TMEM161B: variants seen among roughly 807,000 people sequenced by gnomAD.
TMEM161B encodes the protein transmembrane protein 161B.
A neutral mutation model predicts 61.8 loss-of-function variants in TMEM161B; 34 were observed. The observed-to-expected ratio is 0.55, with a 90% CI of 0.42 to 0.73. TMEM161B has a LOEUF of 0.73. Ranked by LOEUF, TMEM161B falls within the 30% of genes least tolerant of loss-of-function variation. TMEM161B has a pLI of 0.00. For missense variants in TMEM161B, 456 were observed against 558.5 expected, an observed-to-expected ratio of 0.82 and a Z score of 1.85; for synonymous variants, 167 against 192.8, an observed-to-expected ratio of 0.87 and a Z score of 1.11.
At chr5:88,265,626 C>T (rs1756279771) in intron 1 of TMEM161B, among the ~76,000 whole-genome samples, 1 of 152,180 alleles carries the variant, frequency 6.6e-6, no homozygotes, top group African/African-American at 2.4e-5. Context: ...TGACCTACTA[C>T]ATGACCCAAC....
chr5:88,202,971 C>T lies in TMEM161B; in HGVS notation c.905G>A (p.Ser302Asn). 1.9e-6 allele frequency: 3 copies of T among 1,606,520 alleles called. No individual in the cohort carries two copies. Among genetic ancestry groups the T allele is most frequent in the East Asian group, 2.2e-5 (1 of 44,734 alleles). The change falls in exon 9 of 12, where the codon AGT becomes AAT. Residue 302 changes from serine (S) to asparagine (N), a missense_variant. Ser to Asn is a conservative substitution (Grantham distance 46, BLOSUM62 1). Around this residue, in one of 3 missense-constraint regions of TMEM161B, gnomAD observed 367 missense variants for 427.3 expected, o/e 0.86. Coordinates refer to ENST00000296595, the MANE Select transcript of TMEM161B (RefSeq NM_153354.5). ...YIMNPPLGKESIPLMTEATFD... is the reference protein window; with the variant it reads ...YIMNPPLGKENIPLMTEATFD... Reference sequence around the variant, plus strand: ...AAATGCCCATACTTACAAAGGGATACTTTCTTTGCCCAGTGGTGGGTTCAT... The same window carrying T: ...AAATGCCCATACTTACAAAGGGATATTTTCTTTGCCCAGTGGTGGGTTCAT...
chr5:88,213,703 C>A (rs921851006), intron 5 of TMEM161B, among the ~76,000 whole-genome samples: 1 of 152,000 alleles, frequency 6.6e-6, no homozygotes, highest in Non-Finnish European at 1.5e-5. Flanking sequence ...GTCCTATTAC[C>A]CCAAATCTCT....
At chr5:88,218,352 A>G (rs1408812634) in intron 5 of TMEM161B, among the ~76,000 whole-genome samples, 4 of 152,226 alleles carry the variant, frequency 2.6e-5, no homozygotes, top group African/African-American at 9.6e-5. Context: ...CAAGAACATC[A>G]GTTCACAGAC....
intron 5 of TMEM161B, among the ~76,000 whole-genome samples, chr5:88,217,921 C>T (rs896806164): frequency 4.1e-5 from 6 of 146,252 alleles, no homozygotes; most frequent in African/African-American, 1.5e-4. Context: ...AAAAAAAAAA[C>T]CTTAACAAAA....
intron 2 of TMEM161B, among the ~76,000 whole-genome samples, chr5:88,234,890 T>A (rs558145601): frequency 1.1e-4 from 17 of 152,204 alleles, no homozygotes; most frequent in African/African-American, 3.6e-4. Flanking sequence ...CATAGCAAGA[T>A]CCTGTCTCTA....
rs73770354 is a variant in TMEM161B, at chr5:88,203,178, A to T, written c.801-103T>A. The T allele has an allele frequency of 4.6e-3, 3,098 of 679,360 alleles. 69 individuals are homozygous for T. In the African/African-American group the frequency reaches 0.047, roughly 10 times the overall value. 42.1% of individuals were successfully genotyped at this position (679,360 alleles called of 1,614,324 possible). A position where few individuals can be genotyped will look rare whatever the true frequency, so the allele number is the denominator to read the frequency against. On this transcript the variant is annotated intron_variant, in intron 8 of 11. Coordinates refer to ENST00000296595, the MANE Select transcript of TMEM161B (RefSeq NM_153354.5). ...AAAATGGAGGTAGGAGCTTATTTGC[A>T]GTATTCTACTACTTACGATACTACT... is the stretch of plus-strand genomic sequence containing the variant.
Position 88,196,180 on chromosome 5 carries a change from G to C in TMEM161B, c.*31C>G, listed in dbSNP as rs764508644. 3 of 1,572,898 alleles carry C rather than the reference G, an allele frequency of 1.9e-6. No homozygotes were observed. Among genetic ancestry groups the C allele is most frequent in the Non-Finnish European group, 2.6e-6 (3 of 1,163,334 alleles). ...GCACAGATATTTTAATTTAAAGGGT[G>C]ATTTGGATATGCTTTTTTGTTAACT... On this transcript the variant is annotated 3_prime_UTR_variant, in exon 12 of 12. Coordinates refer to ENST00000296595, the MANE Select transcript of TMEM161B (RefSeq NM_153354.5).
intron 5 of TMEM161B, among the ~76,000 whole-genome samples, chr5:88,208,155 G>T (rs1224743408): frequency 6.6e-6 from 1 of 152,058 alleles, no homozygotes; most frequent in African/African-American, 2.4e-5. Flanking sequence ...TATGAGACCA[G>T]CCTGGCCAAC....
chr5:88,238,094 A>T (rs1752157417), intron 2 of TMEM161B, among the ~76,000 whole-genome samples: 1 of 152,104 alleles, frequency 6.6e-6, no homozygotes, highest in Admixed American at 6.6e-5. Flanking sequence ...TCCTTTATAT[A>T]TTAAATAATC....
downstream of TMEM161B, chr5:88,190,405 A>C (rs1303869562): frequency 1.6e-6 from 1 of 621,224 alleles, no homozygotes; most frequent in Non-Finnish European, 2.9e-6. Flanking sequence ...TGCAGCTCCT[A>C]GCAGCTGTGG....
chr5:88,206,822 G>GA (rs1388056200), intron 6 of TMEM161B, among the ~76,000 whole-genome samples: 1 of 151,590 alleles, frequency 6.6e-6, no homozygotes, highest in Non-Finnish European at 1.5e-5. Context: ...AGTATTTTTG[G>GA]AAAAAAACAT....
intron 5 of TMEM161B, among the ~76,000 whole-genome samples, chr5:88,216,408 T>C (rs1747846562): frequency 1.3e-5 from 2 of 152,340 alleles, no homozygotes; most frequent in African/African-American, 2.4e-5. Flanking sequence ...TTTATTCTGA[T>C]TGAATGGTAT....
rs541899286 is a variant in TMEM161B, at chr5:88,214,251, G to T, written c.446+6312C>A. On this transcript the variant is annotated intron_variant, in intron 5 of 11. Coordinates refer to ENST00000296595, the MANE Select transcript of TMEM161B (RefSeq NM_153354.5). ...CAGCCATGAAAACATACATAATAGG[G>T]TTTTGTACCTTAAACCTCCACATTG... Among the ~76,000 whole-genome samples, 29 of 152,160 alleles carry T rather than the reference G, an allele frequency of 1.9e-4. No homozygotes were observed. In the Middle Eastern group the frequency reaches 0.014, roughly 71 times the overall value.
intron 1 of TMEM161B, among the ~76,000 whole-genome samples, chr5:88,260,466 A>C (rs557752907): frequency 3.0e-4 from 46 of 152,110 alleles, no homozygotes; most frequent in Non-Finnish European, 5.9e-4. Context: ...TTTGTGTTTT[A>C]TAAGAGTCAG....
intron 5 of TMEM161B, among the ~76,000 whole-genome samples, chr5:88,208,961 G>C (rs768777410): frequency 6.6e-6 from 1 of 152,178 alleles, no homozygotes; most frequent in Non-Finnish European, 1.5e-5. Context: ...CACATAGTCT[G>C]AAGGTAATTT....
intron 1 of TMEM161B, among the ~76,000 whole-genome samples, chr5:88,248,142 T>C (rs1753865290): frequency 6.6e-6 from 1 of 152,116 alleles, no homozygotes; most frequent in Non-Finnish European, 1.5e-5. Flanking sequence ...ATCCCATTTT[T>C]ACACCAAATC....
Position 88,240,828 on chromosome 5 carries a change from A to G in TMEM161B, c.92T>C (p.Leu31Pro). 1 of 1,611,430 alleles carries G rather than the reference A, an allele frequency of 6.2e-7. No individual in the cohort carries two copies. ...CTTGCCTTACCTGCCATTACAGAGT[A>G]GCCATCGAGCAAGAGAATAGTGAGG... ...IIPHYSLARW[L>P]LCNGSLRWYQ... The change falls in exon 2 of 12, where the codon CTA becomes CCA. Residue 31 changes from leucine to proline, a missense_variant. Physicochemically the swap from Leu to Pro is moderately conservative, Grantham distance 98. Around this residue, in one of 3 missense-constraint regions of TMEM161B, gnomAD observed 85 missense variants for 111.2 expected, o/e 0.76. Transcript: ENST00000296595.
At chr5:88,204,581 T>C (rs1246437380) in intron 8 of TMEM161B, among the ~76,000 whole-genome samples, 1 of 151,984 alleles carries the variant, frequency 6.6e-6, no homozygotes, top group African/African-American at 2.4e-5. Flanking sequence ...TGTGAAGGGC[T>C]CCCCTCCACC....
chr5:88,206,887 G>T, intron 6 of TMEM161B, 142 bp downstream of exon 6: 1 of 656,322 alleles, frequency 1.5e-6, no homozygotes. Context: ...AATAATAAAG[G>T]TTAATTATTT....
Sources: gnomAD v4.1 joint callset for allele counts (sites outside exome capture counted in the v4.1 genomes callset) on GRCh38, gnomAD v4.1.1 for gene constraint, gnomAD v4.1.1 regional missense constraint, MANE v1.5 for transcripts, NCBI Gene and HGNC (gene_info 2026-07-23, HGNC 2026-07-21) for gene names.